NMNAT3: variants seen among roughly 807,000 people sequenced by gnomAD.
NMNAT3 encodes nicotinamide nucleotide adenylyltransferase 3, also known as nicotinamide/nicotinic acid mononucleotide adenylyltransferase 3.
NMNAT3 carries 21 observed loss-of-function variants against 24.8 expected under a neutral mutation model. The observed-to-expected ratio is 0.85, with a 90% CI of 0.60 to 1.22. The LOEUF is 1.22. Among genes scored for constraint, NMNAT3 ranks in the 50% most tolerant of loss-of-function variants. The pLI is 0.00. For synonymous variants in NMNAT3, 136 were observed against 155.2 expected (o/e 0.88, Z 0.92); for missense variants, 387 against 436.6 (o/e 0.89, Z 1.01).
chr3:139,638,073 A>T lies in NMNAT3; in HGVS notation c.-140-11T>A, dbSNP rs1188752267. 2 of 152,124 alleles carry T rather than the reference A, an allele frequency of 1.3e-5. No homozygotes were observed. The highest frequency in any genetic ancestry group is 2.9e-5 in the Non-Finnish European group (2 of 68,044). The allele number at this position is 152,124 out of a possible 1,614,324, so 9.4% of individuals were successfully genotyped here. On this transcript the variant is annotated splice_polypyrimidine_tract_variant and intron_variant, in intron 1 of 6. Coordinates refer to ENST00000643695, the MANE Select transcript of NMNAT3 (RefSeq NM_001320510.2). ...GGCTGAAGCAGGTAGCTGTGGAAGA[A>T]ATATTCCCCAAGTCAAAACAGCAGA... is the stretch of plus-strand genomic sequence containing the variant.
intron 1 of NMNAT3, among the ~76,000 whole-genome samples, chr3:139,675,203 G>T (rs1379168104): frequency 6.8e-6 from 1 of 146,830 alleles, no homozygotes; most frequent in Non-Finnish European, 1.5e-5. Flanking sequence ...TTGGGTTTAT[G>T]TTCATTTATT....
intron 1 of NMNAT3, among the ~76,000 whole-genome samples, chr3:139,661,428 G>C (rs937822413): frequency 2.0e-5 from 3 of 152,164 alleles, no homozygotes; most frequent in African/African-American, 7.2e-5. Context: ...CAGCACTTTG[G>C]GAGGCTGAAG....
rs535672901 is a variant in NMNAT3 at position 139,675,233 on chromosome 3, C to T, written c.-141+2472G>A. On this transcript the variant is annotated intron_variant, in intron 1 of 6. Coordinates refer to ENST00000643695, the MANE Select transcript of NMNAT3 (RefSeq NM_001320510.2). ...TTTATTTGTTCATTACTGATTCATG[C>T]CTTTTTGGCCTGGTACTCTGCTGGG... Among the ~76,000 whole-genome samples the T allele has an allele frequency of 2.6e-5, 4 of 151,762 alleles. No homozygotes were observed. The South Asian group carries it at 8.3e-4, about 32-fold the overall frequency.
intron 1 of NMNAT3, among the ~76,000 whole-genome samples, chr3:139,648,510 A>G (rs2056945705): frequency 6.6e-6 from 1 of 152,264 alleles, no homozygotes; most frequent in Non-Finnish European, 1.5e-5. Context: ...ATGTGAACAG[A>G]TTAAGTATGA....
intron 3 of NMNAT3, among the ~76,000 whole-genome samples, chr3:139,596,953 TATATATATA>T (rs2054506265): frequency 5.6e-5 from 6 of 106,708 alleles, no homozygotes; most frequent in African/African-American, 8.6e-5. Context: ...TATATATATA[TATATATATA>T]TATTTTTATT....
chr3:139,608,663 A>G (rs1178185793), intron 3 of NMNAT3, among the ~76,000 whole-genome samples: 2 of 152,194 alleles, frequency 1.3e-5, no homozygotes, highest in Non-Finnish European at 2.9e-5. Context: ...ATCTTGCAAT[A>G]TTATACCACA....
At chr3:139,654,724 C>T (rs1280776384) in intron 1 of NMNAT3, among the ~76,000 whole-genome samples, 1 of 152,226 alleles carries the variant, frequency 6.6e-6, no homozygotes, top group Non-Finnish European at 1.5e-5. Context: ...TTTATGTTAT[C>T]AATGACTCTA....
chr3:139,569,030 A>T (rs1264155105), intron 6 of NMNAT3: 2 of 152,168 alleles, frequency 1.3e-5, no homozygotes, highest in Admixed American at 6.5e-5. Context: ...GTGCTCCTGT[A>T]TTGGGTGCAT....
At chr3:139,629,364 C>T (rs533105848) in intron 2 of NMNAT3, among the ~76,000 whole-genome samples, 58 of 152,136 alleles carry the variant, frequency 3.8e-4, no homozygotes, top group African/African-American at 8.7e-4. Context: ...TGCAGCCCTG[C>T]GAACACTGAC....
intron 3 of NMNAT3, among the ~76,000 whole-genome samples, chr3:139,596,957 TATATA>T (rs2054508544): frequency 1.7e-4 from 18 of 106,506 alleles, no homozygotes; most frequent in African/African-American, 2.9e-4. Flanking sequence ...TATATATATA[TATATA>T]TATTTTTATT....
intron 3 of NMNAT3, among the ~76,000 whole-genome samples, chr3:139,622,338 G>A (rs569879178): frequency 2.0e-5 from 3 of 152,090 alleles, no homozygotes; most frequent in South Asian, 4.2e-4. Context: ...GATTAGTAAT[G>A]TTTAGCAGTT....
intron 2 of NMNAT3, among the ~76,000 whole-genome samples, chr3:139,630,829 G>A (rs544351226): frequency 2.2e-4 from 33 of 152,134 alleles, no homozygotes; most frequent in Non-Finnish European, 4.6e-4. Context: ...TTTGCAAAGT[G>A]TGCCAAGCTA....
At chr3:139,650,645 A>G (rs557403806) in intron 1 of NMNAT3, among the ~76,000 whole-genome samples, 36 of 152,302 alleles carry the variant, frequency 2.4e-4, no homozygotes, top group African/African-American at 8.7e-4. Flanking sequence ...TTGGCTGTGG[A>G]GACTTTTAGG....
At chr3:139,633,679 G>A (rs2056391668) in intron 2 of NMNAT3, among the ~76,000 whole-genome samples, 2 of 152,112 alleles carry the variant, frequency 1.3e-5, no homozygotes, top group Non-Finnish European at 2.9e-5. Flanking sequence ...ACAGCGCTGC[G>A]AAGGCCTAGA....
intron 2 of NMNAT3, among the ~76,000 whole-genome samples, chr3:139,629,451 TA>T (rs1160898977): frequency 1.3e-5 from 2 of 152,180 alleles, no homozygotes; most frequent in Non-Finnish European, 2.9e-5. Context: ...AGATAATAAA[TA>T]AAAATAATAA....
rs922875745 is a variant in NMNAT3 at position 139,560,614 on chromosome 3, C to T, written c.*396G>A. The T allele has an allele frequency of 5.5e-6, 1 of 180,466 alleles. No individual in the cohort carries two copies. The highest frequency in any genetic ancestry group is 1.2e-5 in the Non-Finnish European group (1 of 85,948). The allele number at this position is 180,466 out of a possible 1,614,324, so 11.2% of individuals were successfully genotyped here. On this transcript the variant is annotated 3_prime_UTR_variant, in exon 7 of 7. Transcript: ENST00000643695. The stretch of plus-strand genomic sequence containing the variant: ...TCAAGACTAGCATGCTGCACCTGGT[C>T]CTAGTTAAAAAACACATTGTGGGCA...
chr3:139,675,170 A>G (rs917514270), intron 1 of NMNAT3, among the ~76,000 whole-genome samples: 1 of 152,040 alleles, frequency 6.6e-6, no homozygotes, highest in African/African-American at 2.4e-5. Context: ...ACACGTGCAC[A>G]TATACCATGA....
chr3:139,575,778 A>ATTAAAAAAG, intron 5 of NMNAT3: 1 of 1,157,028 alleles, frequency 8.6e-7, no homozygotes, highest in Admixed American at 4.0e-5. Flanking sequence ...CCCTGGGGGC[A>ATTAAAAAAG]TGTTCTTGGT....
At chr3:139,675,163 C>CACACACACACACACACACACAT in intron 1 of NMNAT3, among the ~76,000 whole-genome samples, 1 of 151,500 alleles carries the variant, frequency 6.6e-6, no homozygotes, top group South Asian at 2.1e-4. Context: ...CACACACACA[C>CACACACACACACACACACACAT]GTGCACATAT....
Sources: allele counts gnomAD v4.1 joint callset (sites outside exome capture counted in the v4.1 genomes callset), GRCh38; gene constraint gnomAD v4.1.1; transcripts MANE v1.5; gene names NCBI Gene and HGNC (gene_info 2026-07-23, HGNC 2026-07-21).